The following RPS6KA2 variants were observed in gnomAD, a reference collection of about 807,000 sequenced individuals.
The protein encoded by RPS6KA2 is ribosomal protein S6 kinase A2.
RPS6KA2 carries 42 observed loss-of-function variants against 91.8 expected under a neutral mutation model. That is an observed-to-expected ratio of 0.46 (90% CI 0.36 to 0.59). The LOEUF (loss-of-function observed/expected upper bound fraction) is 0.59, where lower values mean the gene tolerates loss of function less well. RPS6KA2 is among the 20% of genes least tolerant of loss of function. The probability of loss-of-function intolerance (pLI) is 0.00; values close to 1 mark genes in which losing one functional copy is unlikely to be tolerated. For synonymous variants in RPS6KA2, 414 were observed against 393.6 expected (o/e 1.05, Z -0.61); for missense variants, 798 against 978.5 (o/e 0.82, Z 2.46).
chr6:166,607,140 CAAAA>C (rs35281961), intron 1 of RPS6KA2, among the ~76,000 whole-genome samples: 1 of 97,858 alleles, frequency 1.0e-5, no homozygotes, highest in African/African-American at 3.9e-5. Flanking sequence ...AAAACTCCGT[CAAAA>C]AAAAAAAAAA....
intron 2 of RPS6KA2, among the ~76,000 whole-genome samples, chr6:166,707,337 G>T (rs1789711344): frequency 6.6e-6 from 1 of 152,248 alleles, no homozygotes; most frequent in South Asian, 2.1e-4. Flanking sequence ...CAACCATGTG[G>T]CAGGGAGACT....
chr6:166,705,886 G>A (rs188572139), intron 2 of RPS6KA2, among the ~76,000 whole-genome samples: 1 of 152,158 alleles, frequency 6.6e-6, no homozygotes, highest in African/African-American at 2.4e-5. Flanking sequence ...TATTTGGAGG[G>A]GGGTCTGGGA....
chr6:166,584,301 G>C (rs1252948159), intron 1 of RPS6KA2, among the ~76,000 whole-genome samples: 1 of 152,152 alleles, frequency 6.6e-6, no homozygotes, highest in African/African-American at 2.4e-5. Flanking sequence ...TACTCCCATC[G>C]AATCAGGGCC....
intron 2 of RPS6KA2, among the ~76,000 whole-genome samples, chr6:166,675,853 C>T (rs148967784): frequency 4.6e-5 from 7 of 152,238 alleles, no homozygotes; most frequent in Admixed American, 3.3e-4. Context: ...CATATCTTCA[C>T]AGTCTCTCTA....
chr6:166,762,331 A>AT (rs1205479617), intron 2 of RPS6KA2, among the ~76,000 whole-genome samples: 2 of 152,062 alleles, frequency 1.3e-5, no homozygotes, highest in Admixed American at 1.3e-4. Context: ...GTTCAAAGCA[A>AT]TTGGTATGCA....
Position 166,813,892 on chromosome 6 carries a change from T to A in RPS6KA2, c.123+44308A>T, listed in dbSNP as rs115241483. On this transcript the variant is annotated intron_variant, in intron 2 of 21. Transcript: ENST00000503859. ...AGATAGACTAGATTTTTGCTCTACC[T>A]TTCTTCAGCACATTTATGTTTGATA... Among the ~76,000 whole-genome samples, 745 of 152,362 alleles carry A rather than the reference T, an allele frequency of 4.9e-3. 9 individuals are homozygous for A. Among genetic ancestry groups the A allele is most frequent in the African/African-American group, 0.017 (713 of 41,594 alleles).
At chr6:166,699,278 G>T (rs376502410) in intron 2 of RPS6KA2, among the ~76,000 whole-genome samples, 41 of 152,124 alleles carry the variant, frequency 2.7e-4, no homozygotes, top group African/African-American at 9.4e-4. Context: ...CACTTGAGAG[G>T]ATCACAAAGG....
chr6:166,562,428 G>A lies in RPS6KA2; in HGVS notation c.100-23644C>T, dbSNP rs1172100095. On this transcript the variant is annotated intron_variant, in intron 1 of 20. Transcript: ENST00000265678. Reference sequence around the variant, plus strand: ...CTATGTGCATACATACATAGCACACGTAGAATCAATGAATGTAATGACCAT... The same window carrying A: ...CTATGTGCATACATACATAGCACACATAGAATCAATGAATGTAATGACCAT... Among the ~76,000 whole-genome samples the A allele has an allele frequency of 1.6e-4, 24 of 152,294 alleles. No individual in the cohort carries two copies. In the East Asian group the frequency reaches 3.1e-3, roughly 20 times the overall value.
intron 2 of RPS6KA2, among the ~76,000 whole-genome samples, chr6:166,690,642 G>A (rs1470467485): frequency 6.6e-6 from 1 of 152,186 alleles, no homozygotes; most frequent in Non-Finnish European, 1.5e-5. Context: ...GGACACATCC[G>A]CTCCCTGGGG....
At chr6:166,669,362 C>T (rs1788410217) in intron 2 of RPS6KA2, among the ~76,000 whole-genome samples, 1 of 152,160 alleles carries the variant, frequency 6.6e-6, no homozygotes, top group African/African-American at 2.4e-5. Context: ...ATCTGCTCCC[C>T]CAGGCCATGT....
At position 166,500,980 on chromosome 6, in the gene RPS6KA2, G is replaced by A. The variant is rs375252679; in HGVS notation, c.567-56C>T. 19 of 1,544,908 alleles carry A rather than the reference G, an allele frequency of 1.2e-5. 1 individual carries two copies. In the African/African-American group the frequency reaches 2.0e-4, roughly 17 times the overall value. ...TAGAAAGAGACCCAGCCTGCCGACG[G>A]GCACGCAGAGCTCAGAGGAGAGCTG... On this transcript the variant is annotated intron_variant, in intron 6 of 20. Transcript: ENST00000265678. The surrounding 1 kb of genome is among the most constrained non-coding windows in gnomAD (Gnocchi z 4.3).
intron 2 of RPS6KA2, chr6:166,701,044 A>G: frequency 1.5e-6 from 2 of 1,337,058 alleles, no homozygotes; most frequent in Non-Finnish European, 2.2e-6. Flanking sequence ...TTGTTAAGCA[A>G]TCTGTCTTTG....
At chr6:166,422,963 T>C (rs548714193) in intron 17 of RPS6KA2, among the ~76,000 whole-genome samples, 1 of 152,334 alleles carries the variant, frequency 6.6e-6, no homozygotes, top group East Asian at 1.9e-4. Context: ...TAACTTGGAA[T>C]AAATATGCAG....
intron 1 of RPS6KA2, among the ~76,000 whole-genome samples, chr6:166,558,900 G>A (rs1784257698): frequency 6.6e-6 from 1 of 152,192 alleles, no homozygotes; most frequent in Non-Finnish European, 1.5e-5. Context: ...TGTTTCAAGT[G>A]CTTTATGTGA....
chr6:166,432,582 G>A lies in RPS6KA2; in HGVS notation c.1333-92C>T, dbSNP rs916128436. 3 of 708,784 alleles carry A rather than the reference G, an allele frequency of 4.2e-6. No individual in the cohort carries two copies. The African/African-American group carries it at 5.3e-5, about 12-fold the overall frequency. 43.9% of individuals were successfully genotyped at this position (708,784 alleles called of 1,614,324 possible). On this transcript the variant is annotated intron_variant, in intron 14 of 20. Transcript: ENST00000265678. The stretch of plus-strand genomic sequence containing the variant: ...GACCATTGAGTTTGGATAAAGTCTG[G>A]CCCCAGGTGGCCCAATCACTACAAT...
chr6:166,567,819 G>A (rs904359362), intron 1 of RPS6KA2, among the ~76,000 whole-genome samples: 4 of 152,142 alleles, frequency 2.6e-5, no homozygotes, highest in African/African-American at 7.2e-5. Flanking sequence ...GAGACAAGAG[G>A]TTCCATCTCT....
intron 3 of RPS6KA2, among the ~76,000 whole-genome samples, chr6:166,524,426 G>A (rs562659605): frequency 6.6e-6 from 1 of 151,998 alleles, no homozygotes; most frequent in African/African-American, 2.4e-5. Context: ...CCTGCAGAAG[G>A]GCGCACCTGT....
chr6:166,783,909 A>G (rs79828235), intron 2 of RPS6KA2, among the ~76,000 whole-genome samples: 3 of 62,922 alleles, frequency 4.8e-5, no homozygotes, highest in Non-Finnish European at 8.9e-5. Flanking sequence ...ACACCTACGC[A>G]TCACCACATA....
chr6:166,413,864 T>A lies in RPS6KA2; in HGVS notation c.2006A>T (p.His669Leu), dbSNP rs1297824161. ...QRLTAMQVLK[H>L]PWVVNREYLS... ...GTACTCTCTGTTGACCACCCACGGG[T>A]GTTTGAGCACTTGCATCGCCGTCAG... The change falls in exon 20 of 21, where the codon CAC becomes CTC. Residue 669 changes from histidine (H) to leucine (L), a missense_variant. By Grantham distance (99) the His-to-Leu change is moderately conservative. Transcript: ENST00000265678. 2 of 1,614,012 alleles carry A rather than the reference T, an allele frequency of 1.2e-6. No individual in the cohort carries two copies. The highest frequency in any genetic ancestry group is 1.7e-5 in the Admixed American group (1 of 60,002).
Sources: gnomAD v4.1 joint callset for allele counts (sites outside exome capture counted in the v4.1 genomes callset) on GRCh38, gnomAD v4.1.1 for gene constraint, Gnocchi (gnomAD v3.1) non-coding constraint, MANE v1.5 for transcripts, NCBI Gene and HGNC (gene_info 2026-07-23, HGNC 2026-07-21) for gene names.